FANCC: variants seen among roughly 807,000 people sequenced by gnomAD.
FANCC encodes Fanconi anemia group C protein.
In FANCC, 55 loss-of-function variants were observed where a neutral mutation model predicts 71.3. The ratio of observed to expected loss-of-function variants is 0.77; its 90% CI spans 0.62 to 0.97. FANCC has a LOEUF of 0.97. FANCC is among the 50% of genes least tolerant of loss of function. FANCC has a pLI of 0.00. For synonymous variants in FANCC, 275 were observed against 244.9 expected (o/e 1.12, Z -1.15); for missense variants, 678 against 670.9 (o/e 1.01, Z -0.12).
At chr9:95,112,035 T>C (rs2071984743) in intron 12 of FANCC, among the ~76,000 whole-genome samples, 1 of 152,246 alleles carries the variant, frequency 6.6e-6, no homozygotes, top group Admixed American at 6.5e-5. Flanking sequence ...AAACATGGGC[T>C]ATTTCCCTTC....
chr9:95,147,518 A>G (rs1829725163), intron 7 of FANCC, among the ~76,000 whole-genome samples: 1 of 152,226 alleles, frequency 6.6e-6, no homozygotes, highest in Admixed American at 6.5e-5. Flanking sequence ...CTCTGTCTCA[A>G]AAAAGAAAAG....
intron 3 of FANCC, among the ~76,000 whole-genome samples, chr9:95,245,217 G>A (rs1469025120): frequency 2.6e-5 from 4 of 151,980 alleles, no homozygotes; most frequent in South Asian, 2.1e-4. Flanking sequence ...TCCTGCCATC[G>A]ATATTGGCCT....
chr9:95,219,710 T>A (rs1829112029), intron 4 of FANCC, among the ~76,000 whole-genome samples: 1 of 152,184 alleles, frequency 6.6e-6, no homozygotes, highest in East Asian at 1.9e-4. Flanking sequence ...TATACAAAAA[T>A]TAATTCAAGA....
chr9:95,314,050 T>C (rs1284335181), intron 1 of FANCC, among the ~76,000 whole-genome samples: 2 of 152,194 alleles, frequency 1.3e-5, no homozygotes, highest in Non-Finnish European at 2.9e-5. Flanking sequence ...TCCATGTCTA[T>C]TCAGCAAAGT....
chr9:95,228,303 A>G (rs965920787), intron 4 of FANCC, among the ~76,000 whole-genome samples: 1 of 152,120 alleles, frequency 6.6e-6, no homozygotes, highest in African/African-American at 2.4e-5. Context: ...AAACAAACTC[A>G]CAGTCCTCCA....
At chr9:95,178,195 A>C (rs1460840181) in intron 4 of FANCC, among the ~76,000 whole-genome samples, 1 of 152,164 alleles carries the variant, frequency 6.6e-6, no homozygotes, top group Non-Finnish European at 1.5e-5. Flanking sequence ...GTACCCAAAG[A>C]GGCAACTCAC....
intron 1 of FANCC, among the ~76,000 whole-genome samples, chr9:95,253,633 T>C (rs1246767113): frequency 3.3e-5 from 5 of 152,308 alleles, no homozygotes; most frequent in African/African-American, 1.2e-4. Context: ...TTCTCAGTAA[T>C]TACTGTTTCA....
In FANCC at chr9:95,117,182, C is replaced by A. The variant is rs2072487006; in HGVS notation, c.1072+133G>T. 3.7e-6 allele frequency: 3 copies of A among 812,856 alleles called. No homozygotes were observed. The South Asian group carries it at 4.4e-5, about 12-fold the overall frequency. 50.4% of individuals were successfully genotyped at this position (812,856 alleles called of 1,614,324 possible). A position where few individuals can be genotyped will look rare whatever the true frequency, so the allele number is the denominator to read the frequency against. ...TCCACAGAATGTGGGATCCTGGGGG[C>A]TTAAAGGGATCTTAGAAATAACCAG... On this transcript the variant is annotated intron_variant, in intron 11 of 14. Coordinates refer to ENST00000289081, the MANE Select transcript of FANCC (RefSeq NM_000136.3).
At chr9:95,219,813 T>C (rs1036481371) in intron 4 of FANCC, among the ~76,000 whole-genome samples, 2 of 152,130 alleles carry the variant, frequency 1.3e-5, no homozygotes, top group African/African-American at 2.4e-5. Flanking sequence ...GGACAAGGAC[T>C]TCATGACTAA....
At chr9:95,155,879 T>G (rs1830439071) in intron 6 of FANCC, among the ~76,000 whole-genome samples, 1 of 102,412 alleles carries the variant, frequency 9.8e-6, no homozygotes, top group East Asian at 3.0e-4. Context: ...CCACCACATC[T>G]GGCTTTTTTT....
intron 4 of FANCC, among the ~76,000 whole-genome samples, chr9:95,180,836 T>C (rs1826310221): frequency 1.3e-5 from 2 of 152,108 alleles, no homozygotes; most frequent in African/African-American, 4.8e-5. Context: ...ATGTGAACAA[T>C]GTGTTATACT....
At chr9:95,277,189 A>G (rs558448176) in intron 1 of FANCC, among the ~76,000 whole-genome samples, 3 of 152,324 alleles carry the variant, frequency 2.0e-5, no homozygotes, top group East Asian at 3.9e-4. Flanking sequence ...ATAACTCCAA[A>G]AACAGTTTTT....
chr9:95,126,793 AT>A (rs1256503862), intron 8 of FANCC: 3 of 566,710 alleles, frequency 5.3e-6, no homozygotes, highest in Non-Finnish European at 9.6e-6. Context: ...CAGGCAGCTT[AT>A]TCCTCTGTAT....
chr9:95,178,559 C>T (rs775920453), intron 4 of FANCC, among the ~76,000 whole-genome samples: 1 of 152,224 alleles, frequency 6.6e-6, no homozygotes, highest in Non-Finnish European at 1.5e-5. Flanking sequence ...CTAAGGAACA[C>T]GACCTCCATT....
At chr9:95,313,089 C>G (rs1835507643) in intron 1 of FANCC, among the ~76,000 whole-genome samples, 1 of 152,240 alleles carries the variant, frequency 6.6e-6, no homozygotes, top group Non-Finnish European at 1.5e-5. Context: ...GGGGAAGATA[C>G]ACACCACAGA....
Position 95,111,626 on chromosome 9 carries a change from C to A in FANCC, c.1166G>T (p.Gly389Val). 6.2e-7 allele frequency: 1 copy of A among 1,614,148 alleles called. No homozygotes were observed. ...VEDQTHGSCG[G>V]PFESWFLFIH... is the part of the protein sequence containing the mutation. Reference sequence around the variant, plus strand: ...GAACAGGAACCAGCTCTCAAAGGGACCTCCGCAGGACCTGGAACAGAGGCA... The same window carrying A: ...GAACAGGAACCAGCTCTCAAAGGGAACTCCGCAGGACCTGGAACAGAGGCA... Residue 389 changes from glycine to valine, a missense_variant, in exon 13 of 15, where the codon GGT (glycine) becomes GTT (valine). Gly to Val is a moderately radical substitution (Grantham distance 109, BLOSUM62 -3). Coordinates refer to ENST00000289081, the MANE Select transcript of FANCC (RefSeq NM_000136.3).
At chr9:95,310,804 T>C (rs1038345870) in intron 1 of FANCC, among the ~76,000 whole-genome samples, 34 of 152,146 alleles carry the variant, frequency 2.2e-4, no homozygotes, top group Admixed American at 9.2e-4. Context: ...CAAACATCAA[T>C]GCAGTTATAT....
In FANCC at chr9:95,240,593, A is replaced by G. The variant is rs959960534; in HGVS notation, c.345+56T>C. 4 of 1,381,536 alleles carry G rather than the reference A, an allele frequency of 2.9e-6. No homozygotes were observed. The African/African-American group carries it at 5.7e-5, about 20-fold the overall frequency. The allele number at this position is 1,381,536 out of a possible 1,614,324, so 85.6% of individuals were successfully genotyped here. A position where few individuals can be genotyped will look rare whatever the true frequency, so the allele number is the denominator to read the frequency against. ...CCACCCCAAAATTTTTTTAAGCAGCACTTTTAAATAATCAATTTAATTCAA... is the reference window on the plus strand; with the variant it reads ...CCACCCCAAAATTTTTTTAAGCAGCGCTTTTAAATAATCAATTTAATTCAA... On this transcript the variant is annotated intron_variant, in intron 4 of 14. Transcript: ENST00000289081.
chr9:95,255,606 A>G (rs1484568584), intron 1 of FANCC, among the ~76,000 whole-genome samples: 1 of 152,172 alleles, frequency 6.6e-6, no homozygotes, highest in African/African-American at 2.4e-5. Context: ...CAGCACAAAA[A>G]GGCTGAAAAT....
Sources: gnomAD v4.1 joint callset for allele counts (sites outside exome capture counted in the v4.1 genomes callset) on GRCh38, gnomAD v4.1.1 for gene constraint, MANE v1.5 for transcripts, NCBI Gene and HGNC (gene_info 2026-07-23, HGNC 2026-07-21) for gene names.